The following CCSER1 variants were observed in gnomAD, a reference collection of about 807,000 sequenced individuals.
CCSER1 encodes coiled-coil serine rich protein 1, also known as serine-rich coiled-coil domain-containing protein 1.
CCSER1 carries 41 observed loss-of-function variants against 82.0 expected under a neutral mutation model. The observed-to-expected ratio is 0.50, with a 90% confidence interval of 0.39 to 0.65. The LOEUF is 0.65. Among genes scored for constraint, CCSER1 ranks in the 30% least tolerant of loss-of-function variants. The pLI is 0.00. For synonymous variants in CCSER1, 414 were observed against 383.9 expected (o/e 1.08, Z -0.92); for missense variants, 1,119 against 1,064.2 (o/e 1.05, Z -0.72).
chr4:90,537,387 G>T (rs1002959752), intron 5 of CCSER1, among the ~76,000 whole-genome samples: 3 of 151,818 alleles, frequency 2.0e-5, no homozygotes, highest in Non-Finnish European at 4.4e-5. Flanking sequence ...TTTCATTCGA[G>T]TTTTTTCTCA....
intron 10 of CCSER1, among the ~76,000 whole-genome samples, chr4:91,409,749 C>T (rs1337639798): frequency 6.6e-6 from 1 of 152,094 alleles, no homozygotes; most frequent in East Asian, 1.9e-4. Context: ...TGCAGTGGCA[C>T]TCAGCTCACT....
chr4:90,755,968 G>T (rs182196249), intron 7 of CCSER1, among the ~76,000 whole-genome samples: 4 of 152,278 alleles, frequency 2.6e-5, no homozygotes, highest in African/African-American at 9.6e-5. Flanking sequence ...GCTCAGGCCT[G>T]TAATCCCAGC....
At chr4:91,059,562 A>G (rs1743783012) in intron 9 of CCSER1, among the ~76,000 whole-genome samples, 1 of 151,668 alleles carries the variant, frequency 6.6e-6, no homozygotes, top group Admixed American at 6.6e-5. Flanking sequence ...CAGTATAACA[A>G]AAATCTAAGC....
chr4:90,925,175 C>T (rs942125007), intron 9 of CCSER1, among the ~76,000 whole-genome samples: 3 of 152,106 alleles, frequency 2.0e-5, no homozygotes, highest in Non-Finnish European at 4.4e-5. Context: ...TTCATTAAAT[C>T]TTATTCTAAT....
chr4:91,034,144 T>G (rs1435380868), intron 9 of CCSER1, among the ~76,000 whole-genome samples: 1 of 152,194 alleles, frequency 6.6e-6, no homozygotes, highest in Non-Finnish European at 1.5e-5. Context: ...CTCTGCAGAA[T>G]TTCTGAAGCA....
At chr4:91,546,291 G>A (rs192387346) in intron 10 of CCSER1, among the ~76,000 whole-genome samples, 2 of 152,122 alleles carry the variant, frequency 1.3e-5, no homozygotes, top group East Asian at 3.9e-4. Flanking sequence ...AATGAGTTAG[G>A]AACCATTCCT....
At chr4:90,231,725 A>G (rs1425985882) in intron 1 of CCSER1, among the ~76,000 whole-genome samples, 1 of 152,220 alleles carries the variant, frequency 6.6e-6, no homozygotes, top group Non-Finnish European at 1.5e-5. Flanking sequence ...AGAAAACTCC[A>G]TTGTCTTAGC....
At chr4:90,801,092 A>G (rs566793048) in intron 7 of CCSER1, among the ~76,000 whole-genome samples, 1 of 152,314 alleles carries the variant, frequency 6.6e-6, no homozygotes, top group South Asian at 2.1e-4. Context: ...CAAATTGGAA[A>G]TGACAAGAAC....
intron 10 of CCSER1, among the ~76,000 whole-genome samples, chr4:91,254,659 T>G (rs72877018): frequency 6.6e-6 from 1 of 152,124 alleles, no homozygotes; most frequent in African/African-American, 2.4e-5. Flanking sequence ...TTAATAGCAC[T>G]GAACTGCATA....
At chr4:90,543,578 T>A (rs527449690) in intron 5 of CCSER1, among the ~76,000 whole-genome samples, 3 of 152,186 alleles carry the variant, frequency 2.0e-5, no homozygotes, top group Non-Finnish European at 4.4e-5. Context: ...CTGTCATCTT[T>A]CATTACCAGG....
In CCSER1 at chr4:91,543,486, A is replaced by G. The variant is rs1042127575; in HGVS notation, c.2218-55086A>G. ...AGTGCTTCCTTCAGGAGCTCTTGTA[A>G]GGCTGGCCTGGTGGTGACAAAATCT... is the stretch of plus-strand genomic sequence containing the variant. On this transcript the variant is annotated intron_variant, in intron 10 of 10. Transcript: ENST00000509176. Among the ~76,000 whole-genome samples the G allele has an allele frequency of 3.3e-5, 5 of 152,036 alleles. No homozygotes were observed. In the South Asian group the frequency reaches 6.2e-4, roughly 19 times the overall value.
intron 9 of CCSER1, among the ~76,000 whole-genome samples, chr4:91,053,070 A>G (rs1322981478): frequency 6.6e-6 from 1 of 152,190 alleles, no homozygotes; most frequent in Non-Finnish European, 1.5e-5. Context: ...TAAACAAAAT[A>G]GTTTTCAATT....
rs1728280784 is a variant in CCSER1, at chr4:91,134,437, AC to A, written c.2217+48444del. Among the ~76,000 whole-genome samples, 42 of 141,514 alleles carry A rather than the reference AC, an allele frequency of 3.0e-4. 1 individual carries two copies. In the South Asian group the frequency reaches 8.5e-3, roughly 29 times the overall value. The allele number at this position is 141,514 out of a possible 152,430, so 92.8% of individuals were successfully genotyped here. A position where few individuals can be genotyped will look rare whatever the true frequency, so the allele number is the denominator to read the frequency against. Reference sequence around the variant, plus strand: ...CCCTGTCTACAAAAAAAAAACAAAAACAAACAAAAAAACAAAATAATCTTCA... The same window carrying A: ...CCCTGTCTACAAAAAAAAAACAAAAAAAACAAAAAAACAAAATAATCTTCA... On this transcript the variant is annotated intron_variant, in intron 10 of 10. Coordinates refer to ENST00000509176, the MANE Select transcript of CCSER1 (RefSeq NM_001145065.2).
chr4:90,869,048 G>A (rs1041029584), intron 8 of CCSER1, among the ~76,000 whole-genome samples: 1 of 151,912 alleles, frequency 6.6e-6, no homozygotes, highest in African/African-American at 2.4e-5. Context: ...TGTTTAATTG[G>A]ATTATTAAGT....
intron 10 of CCSER1, among the ~76,000 whole-genome samples, chr4:91,205,023 G>A (rs1456511289): frequency 6.6e-6 from 1 of 151,440 alleles, no homozygotes; most frequent in Non-Finnish European, 1.5e-5. Context: ...TTTCCACACA[G>A]ATAAATTAAA....
chr4:91,165,544 T>C (rs983022059), intron 10 of CCSER1, among the ~76,000 whole-genome samples: 36 of 152,336 alleles, frequency 2.4e-4, no homozygotes, highest in African/African-American at 8.2e-4. Context: ...TGGTGGGGTC[T>C]ACAGAGGCAG....
At position 90,368,785 on chromosome 4, in the gene CCSER1, C is replaced by CAT. The variant is rs1554015151; in HGVS notation, c.1510-31251_1510-31250insAT. ...ATAAATACGCACACACACACACACACTACTAAAAAAATTTAAATGACAACC... is the reference window on the plus strand; with the variant it reads ...ATAAATACGCACACACACACACACACATTACTAAAAAAATTTAAATGACAACC... On this transcript the variant is annotated intron_variant, in intron 3 of 10. Coordinates refer to ENST00000509176, the MANE Select transcript of CCSER1 (RefSeq NM_001145065.2). 8.9e-4 allele frequency among the ~76,000 whole-genome samples: 135 copies of CAT among 151,354 alleles called. 7 individuals carry two copies. The highest frequency in any genetic ancestry group is 2.5e-3 in the South Asian group (12 of 4,770).
intron 10 of CCSER1, among the ~76,000 whole-genome samples, chr4:91,228,290 C>T (rs1267522473): frequency 6.6e-6 from 1 of 151,978 alleles, no homozygotes; most frequent in Admixed American, 6.6e-5. Context: ...TAAAGAAGTA[C>T]GTATCTAGTT....
intron 10 of CCSER1, among the ~76,000 whole-genome samples, chr4:91,509,753 G>C (rs1300777384): frequency 6.6e-6 from 1 of 151,668 alleles, no homozygotes; most frequent in East Asian, 1.9e-4. Flanking sequence ...CAGCTTTTTT[G>C]GTTGTTTCTG....
Sources: allele counts gnomAD v4.1 joint callset (sites outside exome capture counted in the v4.1 genomes callset), GRCh38; gene constraint gnomAD v4.1.1; transcripts MANE v1.5; gene names NCBI Gene and HGNC (gene_info 2026-07-23, HGNC 2026-07-21).